The following DHX8 variants were observed in gnomAD, a reference collection of about 807,000 sequenced individuals.
DHX8 encodes ATP-dependent RNA helicase DHX8.
In DHX8, 67 loss-of-function variants were observed where a neutral mutation model predicts 140.7. That is an observed-to-expected ratio of 0.48 (90% confidence interval 0.39 to 0.58). The LOEUF is 0.58. DHX8 is among the 20% of genes least tolerant of loss of function. DHX8 has a pLI of 0.00. For missense variants in DHX8, 887 were observed against 1,550.7 expected (o/e 0.57, Z 7.19); for synonymous variants, 533 against 553.2 (o/e 0.96, Z 0.51).
chr17:43,503,368 G>A (rs892036657), intron 11 of DHX8, among the ~76,000 whole-genome samples: 3 of 151,494 alleles, frequency 2.0e-5, no homozygotes, highest in Non-Finnish European at 4.4e-5. Flanking sequence ...GTGGTGGCAC[G>A]CACCTGTAAT....
At chr17:43,531,131 G>C (rs907024979), downstream of DHX8, among the ~76,000 whole-genome samples, 5 of 152,218 alleles carry the variant, frequency 3.3e-5, no homozygotes, top group African/African-American at 4.8e-5. Context: ...TAGTTGGACA[G>C]CCTGGGGGGT....
chr17:43,498,773 T>C (rs1969019866), intron 9 of DHX8, 89 bp from the exon 10 acceptor site: 5 of 1,052,816 alleles, frequency 4.7e-6, no homozygotes, highest in Non-Finnish European at 6.9e-6. Flanking sequence ...TTGATAAAGA[T>C]TGTTGGTACC....
downstream of DHX8, chr17:43,526,353 C>CA (rs778460641): frequency 6.8e-6 from 10 of 1,464,130 alleles, no homozygotes; most frequent in African/African-American, 1.4e-4. Context: ...TGCCTCTGCA[C>CA]ACATGCTGAG....
intron 6 of DHX8, 21 bp downstream of exon 6, chr17:43,493,061 G>T (rs538220712): frequency 6.2e-7 from 1 of 1,600,744 alleles, no homozygotes; most frequent in Non-Finnish European, 8.5e-7. Flanking sequence ...GTGCTCTTTT[G>T]TTCACACCAG....
intron 16 of DHX8, among the ~76,000 whole-genome samples, chr17:43,512,542 T>C (rs1055384198): frequency 1.3e-5 from 2 of 152,146 alleles, no homozygotes; most frequent in African/African-American, 4.8e-5. Flanking sequence ...AAGATGGCAC[T>C]GAGGAGGGAA....
At chr17:43,497,273 A>C (rs1968917877) in intron 9 of DHX8, among the ~76,000 whole-genome samples, 1 of 92,106 alleles carries the variant, frequency 1.1e-5, no homozygotes, top group South Asian at 3.8e-4. Flanking sequence ...TTGGTATTTC[A>C]CTCACTTTTA....
intron 2 of DHX8, among the ~76,000 whole-genome samples, chr17:43,489,869 A>G (rs542303070): frequency 1.3e-5 from 2 of 152,180 alleles, no homozygotes; most frequent in South Asian, 4.1e-4. Flanking sequence ...GGATTACATA[A>G]TTTATGTTTT....
chr17:43,533,730 A>T lies in DHX8; in HGVS notation c.351-2682A>T. On this transcript the variant is annotated intron_variant, in intron 2 of 3. Coordinates refer to the DHX8 transcript ENST00000589898. The stretch of plus-strand genomic sequence containing the variant: ...AAATCCTTAGCTGTATTGCTTCCTT[A>T]CAAGTGCTAGAAAATCCTTTCTGTT... The T allele has an allele frequency of 3.3e-6, 4 of 1,222,366 alleles. No individual in the cohort carries two copies. The South Asian group carries it at 4.4e-5, about 13-fold the overall frequency. 75.7% of individuals were successfully genotyped at this position (1,222,366 alleles called of 1,614,324 possible).
At chr17:43,490,520 C>A in intron 3 of DHX8, 57 bp downstream of exon 3, 1 of 1,372,076 alleles carries the variant, frequency 7.3e-7, no homozygotes, top group Non-Finnish European at 1.0e-6. Flanking sequence ...TTTGAACATC[C>A]TGTAAATTGC....
chr17:43,497,216 CT>C (rs913514727), intron 9 of DHX8, among the ~76,000 whole-genome samples: 7 of 150,346 alleles, frequency 4.7e-5, no homozygotes, highest in African/African-American at 1.2e-4. Flanking sequence ...ACTCATTTTT[CT>C]TTTTTTTTGA....
chr17:43,499,474 G>A (rs1447700552), intron 10 of DHX8, among the ~76,000 whole-genome samples: 1 of 152,176 alleles, frequency 6.6e-6, no homozygotes, highest in Non-Finnish European at 1.5e-5. Flanking sequence ...TTCTTCTGCG[G>A]TGTTCTTCTC....
Position 43,493,551 on chromosome 17 carries a change from C to A in DHX8, c.970C>A (p.Leu324Met). 1.2e-6 allele frequency: 2 copies of A among 1,614,126 alleles called. No individual in the cohort carries two copies. Among genetic ancestry groups the A allele is most frequent in the Non-Finnish European group, 1.7e-6 (2 of 1,180,014 alleles). ...SKGQRVKVKV[L>M]SFTGTKTSLS... ...AGGCCAGAGGGTCAAAGTCAAAGTGCTGTCCTTCACTGGGACCAAGACCAG... is the reference window on the plus strand; with the variant it reads ...AGGCCAGAGGGTCAAAGTCAAAGTGATGTCCTTCACTGGGACCAAGACCAG... The change falls in exon 7 of 23, where the codon CTG (leucine) becomes ATG (methionine). Residue 324 changes from leucine to methionine, a missense_variant. Leu to Met is a conservative substitution (Grantham distance 15). Transcript: ENST00000262415.
intron 16 of DHX8, among the ~76,000 whole-genome samples, chr17:43,510,296 C>G (rs987020039): frequency 2.6e-5 from 4 of 151,712 alleles, no homozygotes; most frequent in South Asian, 4.2e-4. Flanking sequence ...GATCTGCCCC[C>G]CTCGGCCTCC....
chr17:43,507,918 G>A lies in DHX8; in HGVS notation c.2219G>A (p.Arg740Gln), dbSNP rs1161277912. Residue 740 changes from arginine (R) to glutamine (Q), a missense_variant, in exon 15 of 23, where the codon CGA (arginine) becomes CAA (glutamine). Coordinates refer to ENST00000262415, the MANE Select transcript of DHX8 (RefSeq NM_004941.3). ...GCTCCCATTTTCACCATCCCAGGTC[G>A]AACATATCCAGTGGAAATACTGTAC... ...YEAPIFTIPG[R>Q]TYPVEILYTK... 1.5e-5 allele frequency: 25 copies of A among 1,613,996 alleles called. No individual in the cohort carries two copies. The highest frequency in any genetic ancestry group is 2.2e-5 in the East Asian group (1 of 44,898).
chr17:43,507,323 A>G, intron 13 of DHX8, 126 bp downstream of exon 13: 4 of 1,174,142 alleles, frequency 3.4e-6, no homozygotes, highest in Non-Finnish European at 4.7e-6. Flanking sequence ...GAGGGTTCCC[A>G]TTGTCATAAT....
chr17:43,505,751 T>C (rs1383775231), intron 12 of DHX8, among the ~76,000 whole-genome samples: 5 of 152,248 alleles, frequency 3.3e-5, no homozygotes, highest in South Asian at 2.1e-4. Flanking sequence ...GGGCAACTCA[T>C]AGAGTGCTTC....
chr17:43,542,630 C>T (rs1971581284), intron 3 of DHX8, among the ~76,000 whole-genome samples: 1 of 152,140 alleles, frequency 6.6e-6, no homozygotes, highest in Non-Finnish European at 1.5e-5. Context: ...AAAACCCAAC[C>T]CCAAGGATAT....
At chr17:43,498,982 C>T (rs945079303) in intron 10 of DHX8, 23 bp downstream of exon 10, 35 of 1,543,914 alleles carry the variant, frequency 2.3e-5, no homozygotes, top group Non-Finnish European at 3.0e-5. Flanking sequence ...GGACCTTTAA[C>T]CTGGAAATGT....
intron 1 of DHX8, among the ~76,000 whole-genome samples, chr17:43,488,208 G>C (rs953495397): frequency 9.2e-5 from 14 of 151,970 alleles, no homozygotes; most frequent in Admixed American, 7.9e-4. Flanking sequence ...AACTCAGGGG[G>C]CAGAGGTGGC....
Sources: allele counts gnomAD v4.1 joint callset (sites outside exome capture counted in the v4.1 genomes callset), GRCh38; gene constraint gnomAD v4.1.1; transcripts MANE v1.5; gene names NCBI Gene and HGNC (gene_info 2026-07-23, HGNC 2026-07-21).